The following PTPRD variants were observed in gnomAD, a reference collection of about 807,000 sequenced individuals.
PTPRD encodes the protein receptor-type tyrosine-protein phosphatase delta.
PTPRD carries 34 observed loss-of-function variants against 214.5 expected under a neutral mutation model. The observed-to-expected ratio is 0.16, with a 90% CI of 0.12 to 0.21. The LOEUF (loss-of-function observed/expected upper bound fraction) is 0.21, where lower values mean the gene tolerates loss of function less well. Among genes scored for constraint, PTPRD ranks in the 10% least tolerant of loss-of-function variants. PTPRD has a pLI of 1.00. For missense variants in PTPRD, 2,545 were observed against 2,398.7 expected, an observed-to-expected ratio of 1.06 and a Z score of -1.27; for synonymous variants, 1,128 against 845.7, an observed-to-expected ratio of 1.33 and a Z score of -5.79.
At chr9:9,244,873 C>T (rs941994351) in intron 9 of PTPRD, among the ~76,000 whole-genome samples, 2 of 152,124 alleles carry the variant, frequency 1.3e-5, no homozygotes, top group Middle Eastern at 3.4e-3. Flanking sequence ...GAGAAAATTT[C>T]TGCAATCTAC....
intron 11 of PTPRD, among the ~76,000 whole-genome samples, chr9:8,778,981 A>G (rs1041891906): frequency 6.6e-6 from 1 of 152,158 alleles, no homozygotes; most frequent in African/African-American, 2.4e-5. Flanking sequence ...ATTCTTTATG[A>G]TATCTTCACT....
At chr9:10,259,887 C>G (rs1386235750) in intron 3 of PTPRD, among the ~76,000 whole-genome samples, 2 of 152,112 alleles carry the variant, frequency 1.3e-5, no homozygotes, top group African/African-American at 4.8e-5. Flanking sequence ...CCTGCATGAA[C>G]TCCCTCTGTC....
At chr9:9,458,602 T>A (rs1488233392) in intron 8 of PTPRD, among the ~76,000 whole-genome samples, 6 of 152,088 alleles carry the variant, frequency 3.9e-5, no homozygotes, top group Non-Finnish European at 5.9e-5. Context: ...TTGCTGTTGT[T>A]TCCCCAAGAT....
intron 37 of PTPRD, among the ~76,000 whole-genome samples, chr9:8,382,341 A>G (rs2085368543): frequency 6.6e-6 from 1 of 152,204 alleles, no homozygotes; most frequent in Admixed American, 6.5e-5. Flanking sequence ...AATGAGACCT[A>G]ATCCAGCACA....
chr9:9,884,922 A>G (rs565053404), intron 5 of PTPRD, among the ~76,000 whole-genome samples: 122 of 152,194 alleles, frequency 8.0e-4, no homozygotes, highest in African/African-American at 2.9e-3. Context: ...TCTTTCCTTT[A>G]TAAGTTACCC....
intron 3 of PTPRD, among the ~76,000 whole-genome samples, chr9:10,113,031 C>T (rs2098704311): frequency 6.6e-6 from 1 of 152,212 alleles, no homozygotes; most frequent in Non-Finnish European, 1.5e-5. Flanking sequence ...CGCCAACCAT[C>T]ATCTGGGTTA....
intron 14 of PTPRD, among the ~76,000 whole-genome samples, chr9:8,632,489 A>C (rs1290885254): frequency 6.6e-6 from 1 of 152,050 alleles, no homozygotes; most frequent in East Asian, 1.9e-4. Context: ...AAACAAAACA[A>C]ATGAGTTGTG....
chr9:9,116,459 G>C (rs902850839), intron 10 of PTPRD, among the ~76,000 whole-genome samples: 2 of 152,036 alleles, frequency 1.3e-5, no homozygotes, highest in African/African-American at 4.8e-5. Flanking sequence ...ACATGAGAGA[G>C]TCAGAAGTGG....
chr9:10,072,683 G>C (rs1340072053), intron 3 of PTPRD, among the ~76,000 whole-genome samples: 1 of 152,068 alleles, frequency 6.6e-6, no homozygotes, highest in Non-Finnish European at 1.5e-5. Context: ...ATTTTACAGA[G>C]CACTGATTGG....
intron 2 of PTPRD, among the ~76,000 whole-genome samples, chr9:10,397,510 G>C (rs1462800594): frequency 3.3e-5 from 5 of 151,996 alleles, no homozygotes; most frequent in African/African-American, 1.2e-4. Flanking sequence ...AATTGACACA[G>C]TTTTAAAATT....
intron 10 of PTPRD, among the ~76,000 whole-genome samples, chr9:9,167,389 T>C (rs2099906368): frequency 6.6e-6 from 1 of 151,008 alleles, no homozygotes; most frequent in African/African-American, 2.4e-5. Context: ...GATGACAAAA[T>C]AAGCAGCACA....
intron 5 of PTPRD, among the ~76,000 whole-genome samples, chr9:9,831,395 A>G (rs2054780233): frequency 6.6e-6 from 1 of 152,100 alleles, no homozygotes; most frequent in East Asian, 1.9e-4. Context: ...TCACAAGGTT[A>G]CTACATTTTT....
chr9:9,736,891 T>C (rs989862571), intron 6 of PTPRD, among the ~76,000 whole-genome samples: 1 of 152,108 alleles, frequency 6.6e-6, no homozygotes, highest in Admixed American at 6.6e-5. Context: ...CTTCCTTTTT[T>C]ACTCACTTAC....
At chr9:10,365,570 G>A (rs368956747) in intron 2 of PTPRD, among the ~76,000 whole-genome samples, 5 of 151,876 alleles carry the variant, frequency 3.3e-5, no homozygotes, top group East Asian at 3.9e-4. Flanking sequence ...ACTTTCTATC[G>A]TACTTTAAAT....
intron 7 of PTPRD, among the ~76,000 whole-genome samples, chr9:9,647,418 T>C (rs766066582): frequency 6.6e-6 from 1 of 152,162 alleles, no homozygotes; most frequent in Non-Finnish European, 1.5e-5. Context: ...TGGTTACGGG[T>C]GAATAATACT....
chr9:8,672,849 G>T (rs896960418), intron 12 of PTPRD, among the ~76,000 whole-genome samples: 30 of 143,658 alleles, frequency 2.1e-4, no homozygotes, highest in African/African-American at 7.1e-4. Context: ...CTCTGTGTGG[G>T]GGGGGTGGGT....
At chr9:9,782,468 GGT>G (rs2098857979) in intron 5 of PTPRD, among the ~76,000 whole-genome samples, 1 of 151,986 alleles carries the variant, frequency 6.6e-6, no homozygotes, top group African/African-American at 2.4e-5. Context: ...GACTAATTGA[GGT>G]ATGTTACCAA....
chr9:8,839,903 T>G (rs375875807), intron 11 of PTPRD, among the ~76,000 whole-genome samples: 26 of 152,276 alleles, frequency 1.7e-4, no homozygotes, highest in African/African-American at 5.5e-4. Context: ...TATGGTAAAA[T>G]GATAACTGAT....
At chr9:9,943,640 G>C (rs893883428) in intron 4 of PTPRD, among the ~76,000 whole-genome samples, 2 of 100,514 alleles carry the variant, frequency 2.0e-5, no homozygotes, top group South Asian at 6.0e-4. Flanking sequence ...CGATATTTTA[G>C]TTTAAAATAA....
Sources: allele counts gnomAD v4.1 joint callset (sites outside exome capture counted in the v4.1 genomes callset), GRCh38; gene constraint gnomAD v4.1.1; transcripts MANE v1.5; gene names NCBI Gene and HGNC (gene_info 2026-07-23, HGNC 2026-07-21).